TYK2: variants seen among roughly 807,000 people sequenced by gnomAD.
TYK2 encodes non-receptor tyrosine-protein kinase TYK2.
TYK2 carries 65 observed loss-of-function variants against 130.9 expected under a neutral mutation model. The observed-to-expected ratio is 0.50, with a 90% confidence interval of 0.41 to 0.61. TYK2 has a LOEUF of 0.61. Among genes scored for constraint, TYK2 ranks in the 20% least tolerant of loss-of-function variants. The pLI, the probability that TYK2 is intolerant of heterozygous loss-of-function variation, is 0.00. For synonymous variants in TYK2, 647 were observed against 658.9 expected (o/e 0.98, Z 0.28); for missense variants, 1,378 against 1,610.7 (o/e 0.86, Z 2.47).
At chr19:10,357,422 T>C in intron 17 of TYK2, 1 of 676,122 alleles carries the variant, frequency 1.5e-6, no homozygotes, top group South Asian at 1.6e-5. Context: ...GAACCTCCTT[T>C]GGGAAGCCTT....
intron 2 of TYK2, among the ~76,000 whole-genome samples, chr19:10,379,335 TATAA>T (rs958864934): frequency 3.3e-5 from 5 of 150,300 alleles, no homozygotes; most frequent in South Asian, 2.1e-4. Flanking sequence ...ACTCTAAAAA[TATAA>T]ATAAATAAAT....
In TYK2 at chr19:10,354,121, G is replaced by A. The variant is rs367715203; in HGVS notation, c.2829C>T (p.Gly943=). Reference sequence around the variant, plus strand: ...GCAGAATGTCAATCTCCTGCTTCCAGCCCGAGCGGTGCTGGGGGCCGCAGT... The same window carrying A: ...GCAGAATGTCAATCTCCTGCTTCCAACCCGAGCGGTGCTGGGGGCCGCAGT... ...KADCGPQHRS[G]WKQEIDILRT... is the part of the protein sequence containing the mutation. Residue 943 remains glycine, a synonymous_variant, in exon 20 of 25, where the codon GGC becomes GGT. Transcript: ENST00000525621. 12 of 1,613,970 alleles carry A rather than the reference G, an allele frequency of 7.4e-6. No individual in the cohort carries two copies. Among genetic ancestry groups the A allele is most frequent in the South Asian group, 2.2e-5 (2 of 91,088 alleles).
chr19:10,360,106 C>T (rs1448331808), intron 14 of TYK2, among the ~76,000 whole-genome samples: 4 of 151,706 alleles, frequency 2.6e-5, no homozygotes, highest in African/African-American at 7.3e-5. Context: ...TGCTTGAACC[C>T]GGGAGGCGGA....
chr19:10,378,078 G>GTGGATGGA (rs1188576300), intron 3 of TYK2, 136 bp downstream of exon 3: 4 of 866,974 alleles, frequency 4.6e-6, no homozygotes, highest in Admixed American at 2.2e-5. Context: ...GGGTGGATGG[G>GTGGATGGA]TGGATGGATG....
intron 3 of TYK2, among the ~76,000 whole-genome samples, chr19:10,371,726 A>G (rs2041914379): frequency 1.3e-5 from 2 of 152,140 alleles, no homozygotes; most frequent in African/African-American, 4.8e-5. Context: ...GAGAGGTTAT[A>G]AAGCTTCATG....
rs1453304815 is a variant in TYK2, at chr19:10,364,537, C to G, written c.1367+77G>C. On this transcript the variant is annotated intron_variant, in intron 9 of 24. Coordinates refer to ENST00000525621, the MANE Select transcript of TYK2 (RefSeq NM_003331.5). The surrounding 1 kb of genome is among the most constrained non-coding windows in gnomAD (Gnocchi z 4.9). Reference sequence around the variant, plus strand: ...ATAAGACGTGCACCTACACACACACCCTGCACAGCCCCTAGGGCTCACAGT... The same window carrying G: ...ATAAGACGTGCACCTACACACACACGCTGCACAGCCCCTAGGGCTCACAGT... The G allele has an allele frequency of 3.5e-5, 54 of 1,539,898 alleles. 1 individual carries two copies. The South Asian group carries it at 5.7e-4, about 16-fold the overall frequency.
Position 10,364,705 on chromosome 19 carries a change from G to A in TYK2, c.1276C>T (p.Leu426=). ...AGGTAGTGGCTGGAGTCGGCCGTCA[G>A]GCGGAAATAGCCGTCCACCAGCGAC... The part of the protein sequence containing the change: ...FVSLVDGYFR[L]TADSSHYLCH... Residue 426 remains leucine (L), a synonymous_variant, in exon 9 of 25, where the codon CTG becomes TTG. Transcript: ENST00000525621. This position sits in a 1 kb window ranked among gnomAD's most constrained non-coding sequence, Gnocchi z 4.9. 6.2e-7 allele frequency: 1 copy of A among 1,613,726 alleles called. No homozygotes were observed. Among genetic ancestry groups the A allele is most frequent in the Middle Eastern group, 1.6e-4 (1 of 6,062 alleles).
At chr19:10,355,920 C>T (rs1273211030) in intron 18 of TYK2, among the ~76,000 whole-genome samples, 1 of 150,886 alleles carries the variant, frequency 6.6e-6, no homozygotes, top group African/African-American at 2.4e-5. Flanking sequence ...CAAGATTGCA[C>T]CACTGCACTC....
rs905890917 is a variant in TYK2 at position 10,350,917 on chromosome 19, T to C, written c.3481A>G (p.Thr1161Ala). 2 of 1,614,018 alleles carry C rather than the reference T, an allele frequency of 1.2e-6. No individual in the cohort carries two copies. The highest frequency in any genetic ancestry group is 1.3e-5 in the African/African-American group (1 of 74,906). Residue 1161 changes from threonine to alanine, a missense_variant, in exon 25 of 25, where the codon ACC (threonine) becomes GCC (alanine). Physicochemically the swap from Thr to Ala is moderately conservative, Grantham distance 58. Transcript: ENST00000525621. Reference sequence around the variant, plus strand: ...AGAATGGGTATGAGGTTCTCGAAGGTTGGGCGAAAGGACGCCTCTGTCTCC... The same window carrying C: ...AGAATGGGTATGAGGTTCTCGAAGGCTGGGCGAAAGGACGCCTCTGTCTCC... ...CWETEASFRP[T>A]FENLIPILKT...
Position 10,361,074 on chromosome 19 carries a change from C to T in TYK2, c.2047+437G>A, listed in dbSNP as rs2041376939. ...GCCTATACAAGGAGTTTTGAGCTACCTGCAGAGGAAAGGAAGAGGTGGGGT... is the reference window on the plus strand; with the variant it reads ...GCCTATACAAGGAGTTTTGAGCTACTTGCAGAGGAAAGGAAGAGGTGGGGT... On this transcript the variant is annotated intron_variant, in intron 14 of 24. Transcript: ENST00000525621. This position sits in a 1 kb window ranked among gnomAD's most constrained non-coding sequence, Gnocchi z 4.0. The T allele has an allele frequency of 2.1e-6, 1 of 467,666 alleles. No individual in the cohort carries two copies. Among genetic ancestry groups the T allele is most frequent in the South Asian group, 1.6e-5 (1 of 63,786 alleles). 29.0% of individuals were successfully genotyped at this position (467,666 alleles called of 1,614,324 possible).
chr19:10,354,356 T>C (rs1599329649), intron 19 of TYK2, 122 bp from the exon 20 acceptor site: 1 of 1,374,910 alleles, frequency 7.3e-7, no homozygotes, highest in East Asian at 2.4e-5. Context: ...CCCCGCCTAC[T>C]CCGCTCTATT....
At chr19:10,356,759 C>T (rs764771264) in intron 17 of TYK2, 41 bp from the exon 18 acceptor site, 14 of 1,559,728 alleles carry the variant, frequency 9.0e-6, no homozygotes, top group East Asian at 7.1e-5. Context: ...ATCCTCCCCT[C>T]GCCCCCAACC....
chr19:10,351,824 C>CCT, intron 23 of TYK2, among the ~76,000 whole-genome samples: 1 of 151,998 alleles, frequency 6.6e-6, no homozygotes, highest in Non-Finnish European at 1.5e-5. Flanking sequence ...CTGCAACCTT[C>CCT]GCCTACCGGG....
chr19:10,377,580 A>G (rs1308879571), intron 3 of TYK2, among the ~76,000 whole-genome samples: 8 of 55,804 alleles, frequency 1.4e-4, no homozygotes, highest in South Asian at 7.5e-4. Context: ...GGGTGGGTGG[A>G]TGGATGGATG....
Position 10,350,725 on chromosome 19 carries a change from G to T in TYK2, c.*109C>A. Reference sequence around the variant, plus strand: ...TAGACAGGAGTAAGGCACACGGTGTGGGTGAGGCTGACATCCCCCTCTTGG... The same window carrying T: ...TAGACAGGAGTAAGGCACACGGTGTTGGTGAGGCTGACATCCCCCTCTTGG... On this transcript the variant is annotated 3_prime_UTR_variant, in exon 25 of 25. Coordinates refer to ENST00000525621, the MANE Select transcript of TYK2 (RefSeq NM_003331.5). 7.4e-7 allele frequency: 1 copy of T among 1,347,956 alleles called. No homozygotes were observed. Among genetic ancestry groups the T allele is most frequent in the Non-Finnish European group, 1.0e-6 (1 of 962,588 alleles). The allele number at this position is 1,347,956 out of a possible 1,614,324, so 83.5% of individuals were successfully genotyped here. A position where few individuals can be genotyped will look rare whatever the true frequency, so the allele number is the denominator to read the frequency against.
chr19:10,369,939 G>C (rs1456929796), intron 3 of TYK2: 2 of 331,422 alleles, frequency 6.0e-6, no homozygotes, highest in African/African-American at 4.5e-5. Flanking sequence ...AGCTACTTGG[G>C]AGGCTGAGGC....
chr19:10,371,997 G>T (rs978665341), intron 3 of TYK2, among the ~76,000 whole-genome samples: 3 of 145,650 alleles, frequency 2.1e-5, no homozygotes, highest in Non-Finnish European at 4.6e-5. Context: ...CTGAGTTTTT[G>T]TTTTTTTTTT....
At position 10,352,929 on chromosome 19, in the gene TYK2, A is replaced by G. The variant is rs756679670; in HGVS notation, c.3197T>C (p.Phe1066Ser). 1.1e-5 allele frequency: 18 copies of G among 1,606,810 alleles called. No individual in the cohort carries two copies. The highest frequency in any genetic ancestry group is 1.5e-5 in the Non-Finnish European group (18 of 1,177,324). Residue 1066 changes from phenylalanine (F) to serine (S), a missense_variant, in exon 22 of 25, where the codon TTC becomes TCC. Physicochemically the swap from Phe to Ser is radical, Grantham distance 155 (BLOSUM62 -2). Coordinates refer to ENST00000525621, the MANE Select transcript of TYK2 (RefSeq NM_003331.5). ...AGACTGCACCCCGCCTGGTCACCAG[A>G]ACACGGGGCTGTCCCCATCCTCGCG... Reference protein sequence around the residue: ...RVREDGDSPVFWYAPECLKEY... With the variant: ...RVREDGDSPVSWYAPECLKEY...
chr19:10,372,484 ATTT>A (rs1170442654), intron 3 of TYK2, among the ~76,000 whole-genome samples: 2 of 37,416 alleles, frequency 5.3e-5, no homozygotes, highest in African/African-American at 1.3e-4. Context: ...ATATATATAT[ATTT>A]TTTTTTTTTT....
Sources: allele counts gnomAD v4.1 joint callset (sites outside exome capture counted in the v4.1 genomes callset), GRCh38; gene constraint gnomAD v4.1.1; non-coding constraint Gnocchi (gnomAD v3.1); transcripts MANE v1.5; gene names NCBI Gene and HGNC (gene_info 2026-07-23, HGNC 2026-07-21).